The following PCNX1 variants were observed in gnomAD, a reference collection of about 807,000 sequenced individuals.
The protein encoded by PCNX1 is pecanex 1.
Under a neutral mutation model 242.2 loss-of-function variants are expected in PCNX1, and 78 were observed. The observed-to-expected ratio is 0.32, with a 90% confidence interval of 0.27 to 0.39. The LOEUF is 0.39. PCNX1 is among the 10% of genes least tolerant of loss of function. The pLI is 1.00. For missense variants in PCNX1, 2,581 were observed against 2,856.5 expected, an observed-to-expected ratio of 0.90 and a Z score of 2.20; for synonymous variants, 1,024 against 1,032.9, an observed-to-expected ratio of 0.99 and a Z score of 0.17.
chr14:70,992,988 A>G (rs2059213592), intron 7 of PCNX1, among the ~76,000 whole-genome samples: 1 of 152,134 alleles, frequency 6.6e-6, no homozygotes, highest in Non-Finnish European at 1.5e-5. Flanking sequence ...ATCATTTTAG[A>G]AAATCTTTAA....
chr14:70,950,601 G>A (rs958786604), intron 2 of PCNX1, among the ~76,000 whole-genome samples: 1 of 151,992 alleles, frequency 6.6e-6, no homozygotes, highest in Non-Finnish European at 1.5e-5. Flanking sequence ...CAGAAATTCA[G>A]CTGCCTCTTT....
chr14:71,032,931 G>A (rs191005189), intron 16 of PCNX1, among the ~76,000 whole-genome samples: 3 of 152,344 alleles, frequency 2.0e-5, no homozygotes, highest in Admixed American at 6.5e-5. Context: ...GCTCAGTGCT[G>A]TGGAGGACAT....
chr14:71,016,736 A>AG (rs1233463599), intron 11 of PCNX1, among the ~76,000 whole-genome samples: 1 of 152,218 alleles, frequency 6.6e-6, no homozygotes, highest in Non-Finnish European at 1.5e-5. Flanking sequence ...TGCAGTACTT[A>AG]GGAAAATTTA....
At chr14:70,931,133 G>T (rs1253488266) in intron 1 of PCNX1, among the ~76,000 whole-genome samples, 1 of 152,078 alleles carries the variant, frequency 6.6e-6, no homozygotes, top group African/African-American at 2.4e-5. Flanking sequence ...CACCAAGAAT[G>T]AAAGGTGGGA....
chr14:70,955,361 C>T (rs1345990575), intron 2 of PCNX1, among the ~76,000 whole-genome samples: 1 of 152,112 alleles, frequency 6.6e-6, no homozygotes, highest in African/African-American at 2.4e-5. Context: ...AATATAGGAA[C>T]TTCGTTTTTA....
chr14:71,041,426 G>T (rs1283916696), intron 19 of PCNX1, among the ~76,000 whole-genome samples: 2 of 152,004 alleles, frequency 1.3e-5, no homozygotes, highest in East Asian at 3.8e-4. Flanking sequence ...TTTCAATCTT[G>T]TTAGGTTGTA....
At chr14:70,969,159 G>A (rs2058467415) in intron 5 of PCNX1, 49 bp downstream of exon 5, 1 of 1,072,366 alleles carries the variant, frequency 9.3e-7, no homozygotes, top group Non-Finnish European at 1.4e-6. Flanking sequence ...GGTGACCAGA[G>A]TTAATTTGTA....
intron 2 of PCNX1, among the ~76,000 whole-genome samples, chr14:70,949,451 A>ATACACATACGCATGTGTATAT: frequency 6.6e-6 from 1 of 151,862 alleles, no homozygotes; most frequent in South Asian, 2.1e-4. Flanking sequence ...ATATATGTAT[A>ATACACATACGCATGTGTATAT]ATATACACAT....
intron 7 of PCNX1, among the ~76,000 whole-genome samples, chr14:70,995,075 G>A (rs966394649): frequency 6.6e-6 from 1 of 152,070 alleles, no homozygotes; most frequent in Non-Finnish European, 1.5e-5. Flanking sequence ...TATAAAGCAC[G>A]TGGCCTTATT....
chr14:70,968,193 T>G lies in PCNX1; in HGVS notation c.469-5T>G. ...AGTTTTATTTACTTCATGTCACGTT[T>G]TCAGATTGGATCTGGTTCCTCGCGT... On this transcript the variant is annotated splice_region_variant and splice_polypyrimidine_tract_variant and intron_variant, in intron 3 of 35. Transcript: ENST00000304743. 1 of 1,609,976 alleles carries G rather than the reference T, an allele frequency of 6.2e-7. No homozygotes were observed. Among genetic ancestry groups the G allele is most frequent in the Non-Finnish European group, 8.5e-7 (1 of 1,176,304 alleles).
chr14:71,113,476 A>G lies in PCNX1; in HGVS notation c.*3541A>G, dbSNP rs1021727074. The G allele has an allele frequency of 6.5e-6, 1 of 152,676 alleles. No individual in the cohort carries two copies. Among genetic ancestry groups the G allele is most frequent in the African/African-American group, 2.4e-5 (1 of 41,470 alleles). 9.5% of individuals were successfully genotyped at this position (152,676 alleles called of 1,614,324 possible). A position where few individuals can be genotyped will look rare whatever the true frequency, so the allele number is the denominator to read the frequency against. ...TTCCATCACATACCAAAATATAAAA[A>G]TCAGCCTCACATTTTTCAGCAAGTT... is the stretch of plus-strand genomic sequence containing the variant. On this transcript the variant is annotated 3_prime_UTR_variant, in exon 36 of 36. Coordinates refer to ENST00000304743, the MANE Select transcript of PCNX1 (RefSeq NM_014982.3).
At chr14:70,920,116 T>G (rs2056321702) in intron 1 of PCNX1, among the ~76,000 whole-genome samples, 1 of 152,164 alleles carries the variant, frequency 6.6e-6, no homozygotes, top group Non-Finnish European at 1.5e-5. Context: ...ATTGCAGTTG[T>G]CATCTTTAAA....
chr14:71,075,837 G>C (rs989727272), intron 27 of PCNX1, among the ~76,000 whole-genome samples: 2 of 152,010 alleles, frequency 1.3e-5, no homozygotes, highest in African/African-American at 4.8e-5. Context: ...AGTGAGCCGA[G>C]ATTATGCCAT....
rs751868912 is a variant in PCNX1 at position 70,969,099 on chromosome 14, G to A, written c.593G>A (p.Ser198Asn). ...AGTTCTAGTCTTTGTAAGGAAGGAA[G>A]TGAAGAACAAGGTAAGAACGTTATA... The part of the protein sequence containing the change: ...GQSSSLCKEG[S>N]EEQDLAADRK... The change falls in exon 5 of 36, where the codon AGT becomes AAT. Residue 198 changes from serine (S) to asparagine (N), a missense_variant. Coordinates refer to ENST00000304743, the MANE Select transcript of PCNX1 (RefSeq NM_014982.3). The A allele has an allele frequency of 1.3e-6, 2 of 1,596,990 alleles. No homozygotes were observed. The highest frequency in any genetic ancestry group is 1.7e-6 in the Non-Finnish European group (2 of 1,164,458).
intron 19 of PCNX1, among the ~76,000 whole-genome samples, chr14:71,043,966 T>C (rs2060786386): frequency 6.6e-6 from 1 of 152,210 alleles, no homozygotes; most frequent in African/African-American, 2.4e-5. Context: ...ATTGTATGGA[T>C]TGTCATTTGG....
chr14:70,978,278 C>T lies in PCNX1; in HGVS notation c.1941C>T (p.His647=). The T allele has an allele frequency of 6.2e-7, 1 of 1,614,144 alleles. No individual in the cohort carries two copies. The highest frequency in any genetic ancestry group is 8.5e-7 in the Non-Finnish European group (1 of 1,180,028). ...EGRYSALKTK[H]THKERGTDSE... is the part of the protein sequence containing the mutation. ...GATACAGTGCTCTAAAGACCAAACA[C>T]ACTCATAAAGAAAGGGGCACAGACT... is the stretch of plus-strand genomic sequence containing the variant. Residue 647 remains histidine, a synonymous_variant, in exon 6 of 36, where the codon CAC becomes CAT. Coordinates refer to ENST00000304743, the MANE Select transcript of PCNX1 (RefSeq NM_014982.3).
chr14:71,102,275 C>A, intron 31 of PCNX1, 55 bp downstream of exon 31: 1 of 1,412,624 alleles, frequency 7.1e-7, no homozygotes. Flanking sequence ...ATAACTTGAT[C>A]TAAAATTTTT....
rs548694746 is a variant in PCNX1, at chr14:71,018,422, TTTGA to T, written c.2997-585_2997-582del. Among the ~76,000 whole-genome samples the T allele has an allele frequency of 1.3e-3, 194 of 152,198 alleles. 1 individual carries two copies. Among genetic ancestry groups the T allele is most frequent in the African/African-American group, 4.6e-3 (190 of 41,524 alleles). On this transcript the variant is annotated intron_variant, in intron 11 of 35. Coordinates refer to ENST00000304743, the MANE Select transcript of PCNX1 (RefSeq NM_014982.3). Reference sequence around the variant, plus strand: ...ATAAATATAGAATTGTCTTAGCAACTTTGATAGAAGCAGAGGTGTTTGTCACTAC... The same window carrying T: ...ATAAATATAGAATTGTCTTAGCAACTTAGAAGCAGAGGTGTTTGTCACTAC...
intron 1 of PCNX1, among the ~76,000 whole-genome samples, chr14:70,912,535 T>TC (rs1283951086): frequency 6.6e-6 from 1 of 151,204 alleles, no homozygotes; most frequent in African/African-American, 2.4e-5. Flanking sequence ...GCTTCTGAAT[T>TC]CCCCCCTAAA....
Sources: allele counts gnomAD v4.1 joint callset (sites outside exome capture counted in the v4.1 genomes callset), GRCh38; gene constraint gnomAD v4.1.1; transcripts MANE v1.5; gene names NCBI Gene and HGNC (gene_info 2026-07-23, HGNC 2026-07-21).